SSBP3: variants seen among roughly 807,000 people sequenced by gnomAD.
The protein encoded by SSBP3 is single stranded DNA binding protein 3.
SSBP3 carries 5 observed loss-of-function variants against 69.6 expected under a neutral mutation model. The observed-to-expected ratio is 0.07, with a 90% CI of 0.04 to 0.15. The LOEUF (loss-of-function observed/expected upper bound fraction) is 0.15, where lower values mean the gene tolerates loss of function less well. SSBP3 is among the 10% of genes least tolerant of loss of function. SSBP3 has a pLI of 1.00. For missense variants in SSBP3, 312 were observed against 534.0 expected, an observed-to-expected ratio of 0.58 and a Z score of 4.10; for synonymous variants, 196 against 193.4, an observed-to-expected ratio of 1.01 and a Z score of -0.11.
At chr1:54,344,183 G>A (rs1646653204) in intron 4 of SSBP3, among the ~76,000 whole-genome samples, 1 of 152,082 alleles carries the variant, frequency 6.6e-6, no homozygotes, top group Non-Finnish European at 1.5e-5. Context: ...GAAAAAAAAA[G>A]TCACACCAAG....
At chr1:54,266,383 T>C (rs1305942874) in intron 5 of SSBP3, among the ~76,000 whole-genome samples, 1 of 152,192 alleles carries the variant, frequency 6.6e-6, no homozygotes, top group African/African-American at 2.4e-5. Flanking sequence ...ACAATGTAAA[T>C]AAAGTTTTAT....
intron 14 of SSBP3, among the ~76,000 whole-genome samples, chr1:54,235,104 G>T (rs1032175297): frequency 1.3e-5 from 2 of 151,980 alleles, no homozygotes; most frequent in Non-Finnish European, 2.9e-5. Context: ...AAGTACCTCC[G>T]GTTTTACTTA....
chr1:54,226,849 T>C, exon 18 of SSBP3: 3 of 431,450 alleles, frequency 7.0e-6, no homozygotes, highest in Non-Finnish European at 1.3e-5. Flanking sequence ...AAAGGTCCTT[T>C]GGGGAAAGGG....
At chr1:54,304,901 C>G (rs925841916) in intron 4 of SSBP3, among the ~76,000 whole-genome samples, 2 of 152,152 alleles carry the variant, frequency 1.3e-5, no homozygotes, top group African/African-American at 4.8e-5. Context: ...GAAACACATT[C>G]TCAGAGCCTG....
chr1:54,391,064 G>T (rs532938034), intron 4 of SSBP3, among the ~76,000 whole-genome samples: 2 of 152,228 alleles, frequency 1.3e-5, no homozygotes, highest in Non-Finnish European at 2.9e-5. Context: ...ACACAGACAC[G>T]GGCGCCAGCC....
chr1:54,243,260 C>T, exon 10 of SSBP3: 2 of 1,613,768 alleles, frequency 1.2e-6, no homozygotes, highest in Non-Finnish European at 1.7e-6. Flanking sequence ...ATGGCGGGGC[C>T]GAGGGAGTTG....
intron 4 of SSBP3, among the ~76,000 whole-genome samples, chr1:54,363,450 C>T (rs1247977212): frequency 1.3e-5 from 2 of 152,134 alleles, no homozygotes; most frequent in Non-Finnish European, 2.9e-5. Context: ...ACTATGCTAC[C>T]AAATCAGCAA....
intron 4 of SSBP3, among the ~76,000 whole-genome samples, chr1:54,340,990 T>C (rs1207288866): frequency 6.6e-6 from 1 of 152,246 alleles, no homozygotes; most frequent in African/African-American, 2.4e-5. Flanking sequence ...TGCTGTGTTT[T>C]GAGACCAGCA....
chr1:54,292,630 C>A (rs963698226), intron 4 of SSBP3, among the ~76,000 whole-genome samples: 1 of 152,172 alleles, frequency 6.6e-6, no homozygotes, highest in Non-Finnish European at 1.5e-5. Flanking sequence ...CGCACTCAGA[C>A]CAGACAGCGG....
At chr1:54,365,845 ACT>A (rs2100653408) in intron 4 of SSBP3, among the ~76,000 whole-genome samples, 1 of 152,162 alleles carries the variant, frequency 6.6e-6, no homozygotes, top group African/African-American at 2.4e-5. Context: ...AAGAGCACTG[ACT>A]CTAGAAGAAC....
At chr1:54,238,268 C>T (rs1004100702) in intron 14 of SSBP3, 3 of 471,070 alleles carry the variant, frequency 6.4e-6, no homozygotes, top group Admixed American at 4.7e-5. Context: ...CCAGAGTGCC[C>T]CAAAAGGCCC....
At chr1:54,305,197 T>C (rs1208954772) in intron 4 of SSBP3, among the ~76,000 whole-genome samples, 1 of 152,026 alleles carries the variant, frequency 6.6e-6, no homozygotes, top group African/African-American at 2.4e-5. Context: ...ACCACCACCC[T>C]TTACTGCCCA....
At chr1:54,333,386 C>A (rs576954056) in intron 4 of SSBP3, among the ~76,000 whole-genome samples, 2 of 152,172 alleles carry the variant, frequency 1.3e-5, no homozygotes, top group Non-Finnish European at 2.9e-5. Flanking sequence ...TGGATCCAAA[C>A]AGGACAGCCA....
chr1:54,353,049 C>A (rs180875797), intron 4 of SSBP3, among the ~76,000 whole-genome samples: 1 of 152,290 alleles, frequency 6.6e-6, no homozygotes, highest in African/African-American at 2.4e-5. Context: ...AGCGCCGTGT[C>A]CTCAGACCGT....
chr1:54,379,787 C>A (rs138245882), intron 4 of SSBP3, among the ~76,000 whole-genome samples: 22 of 152,342 alleles, frequency 1.4e-4, no homozygotes, highest in African/African-American at 5.3e-4. Context: ...TCACTCCATT[C>A]GCCCAAATAC....
chr1:54,302,359 A>T (rs1260059785), intron 4 of SSBP3, among the ~76,000 whole-genome samples: 3 of 148,720 alleles, frequency 2.0e-5, no homozygotes, highest in Admixed American at 2.0e-4. Context: ...TTACTCTGTC[A>T]CCCAGGCTGG....
chr1:54,292,683 C>T (rs1222280223), intron 4 of SSBP3, among the ~76,000 whole-genome samples: 2 of 152,160 alleles, frequency 1.3e-5, no homozygotes, highest in Non-Finnish European at 2.9e-5. Context: ...GGGCTCTGAA[C>T]AAACGAGAGG....
intron 14 of SSBP3, chr1:54,238,546 G>GTGCA (rs1172548877): frequency 2.8e-6 from 1 of 359,904 alleles, no homozygotes; most frequent in Admixed American, 3.8e-5. Flanking sequence ...CATCCAGTGG[G>GTGCA]TGCAGGGGAC....
intron 5 of SSBP3, among the ~76,000 whole-genome samples, chr1:54,278,359 G>A (rs1425144894): frequency 6.6e-6 from 1 of 151,682 alleles, no homozygotes; most frequent in Non-Finnish European, 1.5e-5. Context: ...GTGTGGTCAG[G>A]TCAGTTTCCA....
Sources: allele counts gnomAD v4.1 joint callset (sites outside exome capture counted in the v4.1 genomes callset), GRCh38; gene constraint gnomAD v4.1.1; transcripts MANE v1.5; gene names NCBI Gene and HGNC (gene_info 2026-07-23, HGNC 2026-07-21).